Variants in ULK4 observed in about 807,000 individuals in gnomAD.
ULK4 encodes unc-51 like kinase 4.
In ULK4, 133 loss-of-function variants were observed where a neutral mutation model predicts 160.6. The observed-to-expected ratio is 0.83, with a 90% confidence interval of 0.72 to 0.96. The LOEUF is 0.96. Among genes scored for constraint, ULK4 ranks in the 40% least tolerant of loss-of-function variants. The pLI is 0.00. For missense variants in ULK4, 1,580 were observed against 1,499.5 expected (o/e 1.05, Z -0.89); for synonymous variants, 534 against 539.8 (o/e 0.99, Z 0.15).
chr3:41,841,073 G>A (rs1365266561), intron 17 of ULK4, among the ~76,000 whole-genome samples: 19 of 145,432 alleles, frequency 1.3e-4, no homozygotes, highest in Non-Finnish European at 3.0e-5. Flanking sequence ...CCATCATCTG[G>A]GATGTGAGAA....
intron 4 of ULK4, among the ~76,000 whole-genome samples, chr3:41,934,906 T>C (rs1699710604): frequency 6.6e-6 from 1 of 152,084 alleles, no homozygotes; most frequent in Admixed American, 6.6e-5. Flanking sequence ...ATTTACAATA[T>C]AGGTTAGTGC....
At chr3:41,473,661 CAAAGA>C (rs1356564119) in intron 32 of ULK4, among the ~76,000 whole-genome samples, 4 of 25,292 alleles carry the variant, frequency 1.6e-4, no homozygotes, top group East Asian at 2.6e-3. Flanking sequence ...GATTCTGTCT[CAAAGA>C]AAAAAAAAAA....
At chr3:41,340,043 T>C (rs931820158) in intron 35 of ULK4, among the ~76,000 whole-genome samples, 2 of 152,236 alleles carry the variant, frequency 1.3e-5, no homozygotes, top group Non-Finnish European at 2.9e-5. Flanking sequence ...TTATCAATCT[T>C]CATTCTTCCC....
Position 41,784,952 on chromosome 3 carries a change from A to G in ULK4, c.2193+4709T>C, listed in dbSNP as rs74661579. Among the ~76,000 whole-genome samples the G allele has an allele frequency of 1.7e-3, 254 of 152,360 alleles. 1 individual carries two copies. Among genetic ancestry groups the G allele is most frequent in the African/African-American group, 6.0e-3 (248 of 41,580 alleles). On this transcript the variant is annotated intron_variant, in intron 21 of 36. Coordinates refer to ENST00000301831, the MANE Select transcript of ULK4 (RefSeq NM_017886.4). ...AGTATACTGATAATTAAATAATGTTAAACTCTAGGTTTTATTATAAGAAAA... is the reference window on the plus strand; with the variant it reads ...AGTATACTGATAATTAAATAATGTTGAACTCTAGGTTTTATTATAAGAAAA...
intron 30 of ULK4, among the ~76,000 whole-genome samples, chr3:41,655,106 T>C (rs1000330097): frequency 4.6e-5 from 7 of 151,640 alleles, no homozygotes; most frequent in Non-Finnish European, 8.8e-5. Context: ...CCCAGGAGTT[T>C]GAGACCAGCC....
At chr3:41,869,658 A>G (rs1697021769) in intron 17 of ULK4, among the ~76,000 whole-genome samples, 3 of 152,222 alleles carry the variant, frequency 2.0e-5, no homozygotes, top group Admixed American at 2.0e-4. Context: ...AATCCACATT[A>G]AACACTTCCG....
rs1458536529 is a variant in ULK4 at position 41,598,226 on chromosome 3, C to T, written c.3120+17443G>A. The stretch of plus-strand genomic sequence containing the variant: ...AACACCTACCCTTGCTTCAGCCTGC[C>T]ATGCCCAGTCATCTACCTAAAACAC... On this transcript the variant is annotated intron_variant, in intron 31 of 36. Coordinates refer to ENST00000301831, the MANE Select transcript of ULK4 (RefSeq NM_017886.4). Among the ~76,000 whole-genome samples the T allele has an allele frequency of 2.6e-5, 4 of 152,230 alleles. No individual in the cohort carries two copies. In the East Asian group the frequency reaches 7.7e-4, roughly 29 times the overall value.
rs149584179 is a variant in ULK4, at chr3:41,502,967, G to A, written c.3227-39714C>T. ...AATGTACAAATGTCCATTAATTGCT[G>A]TAAAAAAAGATGCAATATCCTTTGA... On this transcript the variant is annotated intron_variant, in intron 32 of 36. Transcript: ENST00000301831. Among the ~76,000 whole-genome samples the A allele has an allele frequency of 5.3e-3, 812 of 152,110 alleles. 12 individuals carry two copies. The highest frequency in any genetic ancestry group is 0.019 in the African/African-American group (781 of 41,476).
chr3:41,781,371 C>G (rs961999280), intron 21 of ULK4, among the ~76,000 whole-genome samples: 5 of 149,016 alleles, frequency 3.4e-5, no homozygotes, highest in Non-Finnish European at 7.4e-5. Flanking sequence ...GAGCCAAGAT[C>G]GCGCCACCGC....
chr3:41,929,446 C>T (rs959986062), intron 5 of ULK4, among the ~76,000 whole-genome samples: 13 of 152,156 alleles, frequency 8.5e-5, no homozygotes, highest in African/African-American at 3.1e-4. Context: ...CAAGGATAAC[C>T]TCTCTCACCA....
At chr3:41,327,478 G>A (rs968407483) in intron 35 of ULK4, among the ~76,000 whole-genome samples, 2 of 152,038 alleles carry the variant, frequency 1.3e-5, no homozygotes, top group African/African-American at 4.8e-5. Flanking sequence ...CTTCTCTGTA[G>A]TTTCCAGAGC....
At chr3:41,470,815 T>C (rs1157607018) in intron 32 of ULK4, among the ~76,000 whole-genome samples, 1 of 151,844 alleles carries the variant, frequency 6.6e-6, no homozygotes, top group Non-Finnish European at 1.5e-5. Context: ...CTCATGGTAA[T>C]CACAAAATAA....
intron 17 of ULK4, among the ~76,000 whole-genome samples, chr3:41,867,396 G>A (rs976537875): frequency 6.6e-6 from 1 of 152,074 alleles, no homozygotes; most frequent in South Asian, 2.1e-4. Context: ...TGTTGTTTTG[G>A]GGGGGCAAGG....
At chr3:41,805,462 G>T (rs890882618) in intron 19 of ULK4, among the ~76,000 whole-genome samples, 1 of 152,128 alleles carries the variant, frequency 6.6e-6, no homozygotes, top group African/African-American at 2.4e-5. Flanking sequence ...TTTCCTAATT[G>T]AATATCTTTT....
intron 29 of ULK4, among the ~76,000 whole-genome samples, chr3:41,664,055 A>C (rs1239162744): frequency 1.3e-5 from 2 of 152,250 alleles, no homozygotes; most frequent in African/African-American, 2.4e-5. Flanking sequence ...TACAGGACCT[A>C]CACAGGTTAC....
chr3:41,763,066 C>G (rs2039042870), intron 21 of ULK4, among the ~76,000 whole-genome samples: 1 of 152,092 alleles, frequency 6.6e-6, no homozygotes, highest in South Asian at 2.1e-4. Context: ...CCTCCCACCA[C>G]CAGGTCCTTC....
chr3:41,681,244 T>A (rs1234168240), intron 29 of ULK4, among the ~76,000 whole-genome samples: 3 of 152,156 alleles, frequency 2.0e-5, no homozygotes, highest in African/African-American at 7.2e-5. Flanking sequence ...CACGTTTAAA[T>A]CTGCATAACT....
At chr3:41,775,714 T>G (rs866603504) in intron 21 of ULK4, among the ~76,000 whole-genome samples, 5 of 150,974 alleles carry the variant, frequency 3.3e-5, no homozygotes, top group Middle Eastern at 6.8e-3. Context: ...CTCCTCTTTT[T>G]TTAAACATTG....
chr3:41,701,268 GTT>G (rs910096627), intron 27 of ULK4, among the ~76,000 whole-genome samples: 1 of 152,066 alleles, frequency 6.6e-6, no homozygotes, highest in Admixed American at 6.5e-5. Context: ...TTTATATTTA[GTT>G]ACATCATAGT....
Sources: gnomAD v4.1 joint callset for allele counts (sites outside exome capture counted in the v4.1 genomes callset) on GRCh38, gnomAD v4.1.1 for gene constraint, MANE v1.5 for transcripts, NCBI Gene and HGNC (gene_info 2026-07-23, HGNC 2026-07-21) for gene names.